ZNF568: variants seen among roughly 807,000 people sequenced by gnomAD.
ZNF568 encodes the protein p53 inhibitor of SCO2 activation.
Under a neutral mutation model 18.1 loss-of-function variants are expected in ZNF568, and 11 were observed. The observed-to-expected ratio is 0.61, with a 90% CI of 0.38 to 1.00. The LOEUF (loss-of-function observed/expected upper bound fraction) is 1.00, where lower values mean the gene tolerates loss of function less well. ZNF568 is among the 50% of genes least tolerant of loss of function. The pLI is 0.01. For synonymous variants in ZNF568, 213 were observed against 246.6 expected, an observed-to-expected ratio of 0.86 and a Z score of 1.28; for missense variants, 639 against 768.2, an observed-to-expected ratio of 0.83 and a Z score of 1.99.
At chr19:36,968,437 G>A (rs563530382) in intron 6 of ZNF568, among the ~76,000 whole-genome samples, 2 of 126,638 alleles carry the variant, frequency 1.6e-5, no homozygotes, top group African/African-American at 6.2e-5. Flanking sequence ...GCCGGGCGTG[G>A]TGGCGGGTGT....
At chr19:36,973,835 G>A (rs1394833665) in intron 6 of ZNF568, 8 of 153,074 alleles carry the variant, frequency 5.2e-5, no homozygotes, top group Non-Finnish European at 1.0e-4. Flanking sequence ...TGTACATTCT[G>A]GGGATACGCT....
At chr19:36,941,958 A>G (rs577374849) in intron 6 of ZNF568, among the ~76,000 whole-genome samples, 1 of 151,840 alleles carries the variant, frequency 6.6e-6, no homozygotes, top group African/African-American at 2.4e-5. Context: ...CGTATTTTGA[A>G]ACAAATGTTT....
At chr19:36,971,863 G>A (rs1298735768) in intron 6 of ZNF568, among the ~76,000 whole-genome samples, 1 of 129,970 alleles carries the variant, frequency 7.7e-6, no homozygotes, top group African/African-American at 3.0e-5. Flanking sequence ...TTTTTTTTGA[G>A]ATGAAGTCTC....
At chr19:36,945,718 T>C (rs186320040) in intron 6 of ZNF568, among the ~76,000 whole-genome samples, 4 of 145,428 alleles carry the variant, frequency 2.8e-5, no homozygotes. Flanking sequence ...GTACTATATA[T>C]AAGGAAATGT....
chr19:36,997,311 T>C (rs1010725350), downstream of ZNF568: 7 of 1,602,148 alleles, frequency 4.4e-6, no homozygotes, highest in African/African-American at 9.4e-5. Context: ...GTAAGGAATG[T>C]GGGAAGTCCT....
In ZNF568 at chr19:36,922,512, A is replaced by G. The variant is rs937713884; in HGVS notation, c.-185-74A>G. 3.9e-5 allele frequency: 14 copies of G among 354,978 alleles called. No homozygotes were observed. In the Admixed American group the frequency reaches 6.3e-4, roughly 16 times the overall value. 22.0% of individuals were successfully genotyped at this position (354,978 alleles called of 1,614,324 possible). On this transcript the variant is annotated intron_variant, in intron 2 of 6. Transcript: ENST00000333987. ...CAGAAGACGGTGGTCACTGGGGGCCATCTTGGAAGCTGGTTATCACAGGGA... is the reference window on the plus strand; with the variant it reads ...CAGAAGACGGTGGTCACTGGGGGCCGTCTTGGAAGCTGGTTATCACAGGGA...
chr19:36,950,468 A>G lies in ZNF568; in HGVS notation c.1315A>G (p.Asn439Asp). The G allele has an allele frequency of 6.2e-7, 1 of 1,613,322 alleles. No individual in the cohort carries two copies. Among genetic ancestry groups the G allele is most frequent in the Non-Finnish European group, 8.5e-7 (1 of 1,179,462 alleles). ...TTCATCCCTAACCGTACATATGCGA[A>G]ATCATACAGCTGAGAAACCCTATGA... ...QSSSLTVHMRNHTAEKPYECK... is the reference protein window; with the variant it reads ...QSSSLTVHMRDHTAEKPYECK... Residue 439 changes from asparagine (N) to aspartate (D), a missense_variant, in exon 7 of 7, where the codon AAT becomes GAT. Asn to Asp is a conservative substitution (Grantham distance 23). Transcript: ENST00000333987.
At chr19:36,988,963 T>C (rs1353606128) in intron 2 of ZNF568, among the ~76,000 whole-genome samples, 1 of 152,178 alleles carries the variant, frequency 6.6e-6, no homozygotes. Flanking sequence ...CTCCTGATTG[T>C]AACTTTGTAC....
chr19:36,996,213 G>T (rs1600865831), intron 4 of ZNF568: 11 of 951,120 alleles, frequency 1.2e-5, no homozygotes, highest in East Asian at 8.0e-5. Context: ...GCAGTGTAAA[G>T]AATTGCTTAT....
intron 2 of ZNF568, among the ~76,000 whole-genome samples, chr19:36,986,808 T>G (rs1205526235): frequency 2.6e-5 from 4 of 152,138 alleles, no homozygotes; most frequent in African/African-American, 9.7e-5. Context: ...TCTCCCTTCA[T>G]AGACTGCTGT....
intron 7 of ZNF568, among the ~76,000 whole-genome samples, chr19:36,975,160 T>C (rs377461306): frequency 6.7e-6 from 1 of 149,092 alleles, no homozygotes; most frequent in African/African-American, 2.5e-5. Context: ...TTCTTTTTTT[T>C]TTTTTTGAGA....
Position 36,949,864 on chromosome 19 carries a change from C to T in ZNF568, c.711C>T (p.Leu237=), listed in dbSNP as rs1333442497. 1.2e-6 allele frequency: 2 copies of T among 1,613,830 alleles called. No individual in the cohort carries two copies. The highest frequency in any genetic ancestry group is 2.2e-5 in the East Asian group (1 of 44,872). ...CGQDFSHKFD[L]IRHERIHAGE... is the part of the protein sequence containing the mutation. The stretch of plus-strand genomic sequence containing the variant: ...AAGACTTCAGTCATAAATTTGACCT[C>T]ATTAGACATGAGCGAATTCATGCTG... Residue 237 remains leucine, a synonymous_variant, in exon 7 of 7, where the codon CTC becomes CTT. Transcript: ENST00000333987.
rs745403803 is a variant in ZNF568, at chr19:36,950,973, G to C, written c.1820G>C (p.Ser607Thr). ...QCSLLIIHMRSHTGEKPFECN... is the reference protein window; with the variant it reads ...QCSLLIIHMRTHTGEKPFECN... ...TCATTACTTATTATACATATGAGAA[G>C]TCATACTGGTGAGAAACCCTTTGAA... Residue 607 changes from serine to threonine, a missense_variant, in exon 7 of 7, where the codon AGT becomes ACT. Physicochemically the swap from Ser to Thr is moderately conservative, Grantham distance 58. Transcript: ENST00000333987. 3 of 1,613,596 alleles carry C rather than the reference G, an allele frequency of 1.9e-6. No individual in the cohort carries two copies. Among genetic ancestry groups the C allele is most frequent in the Non-Finnish European group, 2.5e-6 (3 of 1,179,858 alleles).
intron 4 of ZNF568, among the ~76,000 whole-genome samples, chr19:36,929,512 C>T (rs1020682066): frequency 1.3e-5 from 2 of 151,772 alleles, no homozygotes; most frequent in East Asian, 1.9e-4. Flanking sequence ...GGTGAAACCC[C>T]GTTTCTACTA....
At chr19:36,966,754 A>G (rs1275793643) in intron 6 of ZNF568, among the ~76,000 whole-genome samples, 1 of 152,200 alleles carries the variant, frequency 6.6e-6, no homozygotes, top group Non-Finnish European at 1.5e-5. Flanking sequence ...ATGGTCCATC[A>G]GTGGGAGGTG....
At chr19:36,964,198 G>C (rs192218295) in intron 6 of ZNF568, among the ~76,000 whole-genome samples, 1 of 151,492 alleles carries the variant, frequency 6.6e-6, no homozygotes, top group Non-Finnish European at 1.5e-5. Flanking sequence ...GCTTATGAAC[G>C]TTTGTGAAAT....
At chr19:36,997,430 G>A (rs746423565), downstream of ZNF568, 32 of 1,582,510 alleles carry the variant, frequency 2.0e-5, no homozygotes, top group East Asian at 4.6e-5. Flanking sequence ...GAACTTGTTC[G>A]ACATCAAAAA....
At chr19:36,919,937 C>T (rs546122098) in intron 2 of ZNF568, among the ~76,000 whole-genome samples, 4 of 152,166 alleles carry the variant, frequency 2.6e-5, no homozygotes, top group African/African-American at 9.6e-5. Context: ...GTTCATGTGC[C>T]TACTATACTA....
chr19:36,925,330 C>A, intron 4 of ZNF568, 72 bp downstream of exon 4: 5 of 1,286,816 alleles, frequency 3.9e-6, no homozygotes, highest in African/African-American at 1.5e-5. Context: ...TGTAACCTAC[C>A]AATGTGTTGG....
Sources: gnomAD v4.1 joint callset for allele counts (sites outside exome capture counted in the v4.1 genomes callset) on GRCh38, gnomAD v4.1.1 for gene constraint, MANE v1.5 for transcripts, NCBI Gene and HGNC (gene_info 2026-07-23, HGNC 2026-07-21) for gene names.